FNBP1: variants seen among roughly 807,000 people sequenced by gnomAD.
The protein encoded by FNBP1 is formin binding protein 1, also known as formin-binding protein 1.
In FNBP1, 26 loss-of-function variants were observed where a neutral mutation model predicts 90.6. The ratio of observed to expected loss-of-function variants is 0.29; its 90% CI spans 0.21 to 0.40. The LOEUF is 0.40. Ranked by LOEUF, FNBP1 falls within the 10% of genes least tolerant of loss-of-function variation. The pLI, the probability that FNBP1 is intolerant of heterozygous loss-of-function variation, is 1.00. For missense variants in FNBP1, 635 were observed against 768.0 expected, an observed-to-expected ratio of 0.83 and a Z score of 2.05; for synonymous variants, 260 against 265.2, an observed-to-expected ratio of 0.98 and a Z score of 0.19.
At chr9:130,023,572 G>A (rs2058059249) in intron 1 of FNBP1, among the ~76,000 whole-genome samples, 1 of 152,156 alleles carries the variant, frequency 6.6e-6, no homozygotes, top group South Asian at 2.1e-4. Context: ...GGAGGAGACT[G>A]TGTTGCAAGA....
At chr9:129,982,820 G>A (rs1426685909) in intron 2 of FNBP1, among the ~76,000 whole-genome samples, 1 of 151,940 alleles carries the variant, frequency 6.6e-6, no homozygotes, top group Non-Finnish European at 1.5e-5. Flanking sequence ...ACACCACCAT[G>A]CCCAGCTCAT....
At chr9:129,924,916 A>G in intron 9 of FNBP1, 44 bp downstream of exon 9, 2 of 1,507,694 alleles carry the variant, frequency 1.3e-6, no homozygotes, top group Non-Finnish European at 1.8e-6. Flanking sequence ...TCAAGTCAAA[A>G]TCTCCACACC....
intron 16 of FNBP1, among the ~76,000 whole-genome samples, chr9:129,893,719 A>G (rs961345605): frequency 2.6e-5 from 4 of 150,986 alleles, no homozygotes; most frequent in Non-Finnish European, 5.9e-5. Flanking sequence ...GATCAAGACC[A>G]TTCTGGCTAA....
upstream of FNBP1, among the ~76,000 whole-genome samples, chr9:130,044,436 C>T (rs1290846009): frequency 2.0e-5 from 3 of 148,002 alleles, no homozygotes; most frequent in Non-Finnish European, 4.5e-5. Flanking sequence ...CCAGCCTGGG[C>T]AACATCGCAA....
intron 2 of FNBP1, among the ~76,000 whole-genome samples, chr9:129,982,556 A>G (rs1293806292): frequency 6.6e-6 from 1 of 152,248 alleles, no homozygotes; most frequent in East Asian, 1.9e-4. Context: ...TATTTTCCAA[A>G]TATATTGAGA....
intron 12 of FNBP1, among the ~76,000 whole-genome samples, chr9:129,904,569 T>G (rs1207653847): frequency 6.6e-6 from 1 of 152,144 alleles, no homozygotes; most frequent in Non-Finnish European, 1.5e-5. Flanking sequence ...TCATGAGAAA[T>G]AGTTTAACTA....
chr9:129,948,785 C>T (rs974106332), intron 6 of FNBP1, among the ~76,000 whole-genome samples: 5 of 152,102 alleles, frequency 3.3e-5, no homozygotes, highest in African/African-American at 1.2e-4. Flanking sequence ...AAGTGATCCG[C>T]CAGCCTCAGC....
At chr9:129,953,678 G>C (rs1401709983) in intron 6 of FNBP1, among the ~76,000 whole-genome samples, 1 of 151,984 alleles carries the variant, frequency 6.6e-6, no homozygotes, top group East Asian at 1.9e-4. Context: ...GTGGGATACA[G>C]AGAAAACAGT....
rs1021763792 is a variant in FNBP1, at chr9:129,895,476, C to T, written c.1846+362G>A. The T allele has an allele frequency of 3.7e-5, 43 of 1,147,854 alleles. No individual in the cohort carries two copies. In the African/African-American group the frequency reaches 5.3e-4, roughly 14 times the overall value. The allele number at this position is 1,147,854 out of a possible 1,614,324, so 71.1% of individuals were successfully genotyped here. On this transcript the variant is annotated intron_variant, in intron 16 of 16. Coordinates refer to ENST00000446176, the MANE Select transcript of FNBP1 (RefSeq NM_015033.3). ...GGAAGTCTTTGGCACCTGCATGATG[C>T]GTGCCGGCTTTTAAATTCAGAAAGA...
rs901995274 is a variant in FNBP1, at chr9:129,966,758, A to G, written c.346-8205T>C. On this transcript the variant is annotated intron_variant, in intron 4 of 16. Transcript: ENST00000446176. This position sits in a 1 kb window ranked among gnomAD's most constrained non-coding sequence, Gnocchi z 4.3. ...AACAACAACAACAACAACAACAACA[A>G]CAACAAAAGAAAGGAAGTGACATGG... 3.3e-5 allele frequency among the ~76,000 whole-genome samples: 5 copies of G among 151,924 alleles called. No homozygotes were observed. Among genetic ancestry groups the G allele is most frequent in the African/African-American group, 1.2e-4 (5 of 41,370 alleles).
chr9:129,930,876 C>A (rs2042629785), intron 6 of FNBP1, among the ~76,000 whole-genome samples: 1 of 152,188 alleles, frequency 6.6e-6, no homozygotes, highest in Non-Finnish European at 1.5e-5. Context: ...GGTTTTTGGT[C>A]TTTAAGTGAC....
At position 129,889,785 on chromosome 9, in the gene FNBP1, C is replaced by T. The variant is rs1417757440; in HGVS notation, c.*754G>A. Reference sequence around the variant, plus strand: ...TCATGGCCGGTGGACACAGGCGAGTCAACAAGGCGAGCTGGAATTCGACTT... The same window carrying T: ...TCATGGCCGGTGGACACAGGCGAGTTAACAAGGCGAGCTGGAATTCGACTT... On this transcript the variant is annotated 3_prime_UTR_variant, in exon 17 of 17. Coordinates refer to ENST00000446176, the MANE Select transcript of FNBP1 (RefSeq NM_015033.3). 1 of 232,364 alleles carries T rather than the reference C, an allele frequency of 4.3e-6. No homozygotes were observed. Among genetic ancestry groups the T allele is most frequent in the African/African-American group, 2.2e-5 (1 of 45,226 alleles). 14.4% of individuals were successfully genotyped at this position (232,364 alleles called of 1,614,324 possible).
chr9:129,913,681 G>A (rs2039752141), intron 11 of FNBP1, among the ~76,000 whole-genome samples: 2 of 151,860 alleles, frequency 1.3e-5, no homozygotes, highest in African/African-American at 2.4e-5. Flanking sequence ...TGAGGCATGA[G>A]AATCGCTTGA....
chr9:129,959,450 G>C (rs1202577845), intron 4 of FNBP1, among the ~76,000 whole-genome samples: 2 of 151,844 alleles, frequency 1.3e-5, no homozygotes, highest in African/African-American at 2.4e-5. Flanking sequence ...TCAGCCAGGC[G>C]TGGTGGTGCG....
At chr9:129,951,681 G>T (rs1007282216) in intron 6 of FNBP1, among the ~76,000 whole-genome samples, 3 of 151,872 alleles carry the variant, frequency 2.0e-5, no homozygotes, top group Non-Finnish European at 4.4e-5. Context: ...CTGGGCTTAA[G>T]CGATCCTCCC....
At chr9:129,901,520 G>A (rs151037754) in intron 13 of FNBP1, among the ~76,000 whole-genome samples, 2,675 of 152,218 alleles carry the variant, frequency 0.018, 32 homozygotes, top group Middle Eastern at 0.024. Flanking sequence ...TTGGGTGACA[G>A]AGCGAGACTC....
chr9:129,990,606 A>G (rs531289732), intron 2 of FNBP1, among the ~76,000 whole-genome samples: 6 of 152,296 alleles, frequency 3.9e-5, no homozygotes, highest in African/African-American at 1.4e-4. Flanking sequence ...CTTTCACCGT[A>G]AGGTTTTTGG....
intron 4 of FNBP1, among the ~76,000 whole-genome samples, chr9:129,963,622 T>TC (rs2048149621): frequency 2.5e-5 from 1 of 40,284 alleles, no homozygotes; most frequent in Non-Finnish European, 5.8e-5. Flanking sequence ...CAGCCTTTTT[T>TC]TTTTTTTTTT....
intron 1 of FNBP1, among the ~76,000 whole-genome samples, chr9:130,007,126 C>T (rs1042867857): frequency 1.3e-5 from 2 of 149,674 alleles, no homozygotes; most frequent in Non-Finnish European, 3.0e-5. Flanking sequence ...CCTATAGTCT[C>T]AGCTACCCAG....
Sources: gnomAD v4.1 joint callset for allele counts (sites outside exome capture counted in the v4.1 genomes callset) on GRCh38, gnomAD v4.1.1 for gene constraint, Gnocchi (gnomAD v3.1) non-coding constraint, MANE v1.5 for transcripts, NCBI Gene and HGNC (gene_info 2026-07-23, HGNC 2026-07-21) for gene names.